ARHGAP24: variants seen among roughly 807,000 people sequenced by gnomAD.
ARHGAP24 encodes rho GTPase-activating protein 24.
ARHGAP24 carries 50 observed loss-of-function variants against 76.4 expected under a neutral mutation model. That is an observed-to-expected ratio of 0.65 (90% CI 0.52 to 0.83). The LOEUF (loss-of-function observed/expected upper bound fraction) is 0.83, where lower values mean the gene tolerates loss of function less well. Ranked by LOEUF, ARHGAP24 falls within the 40% of genes least tolerant of loss-of-function variation. The pLI is 0.00. For missense variants in ARHGAP24, 930 were observed against 914.2 expected (o/e 1.02, Z -0.22); for synonymous variants, 345 against 323.3 (o/e 1.07, Z -0.72).
intron 8 of ARHGAP24, chr4:85,991,547 A>G (rs1012660779): frequency 2.6e-5 from 4 of 152,186 alleles, no homozygotes; most frequent in African/African-American, 7.2e-5. Context: ...TGCTACATGT[A>G]GCAACATAAA....
intron 8 of ARHGAP24, among the ~76,000 whole-genome samples, chr4:85,987,783 A>G (rs1740090677): frequency 6.6e-6 from 1 of 151,936 alleles, no homozygotes; most frequent in African/African-American, 2.4e-5. Context: ...CAGAGAAAAA[A>G]TACTCATTTT....
At chr4:85,654,922 T>C (rs907748010) in intron 2 of ARHGAP24, among the ~76,000 whole-genome samples, 1 of 152,246 alleles carries the variant, frequency 6.6e-6, no homozygotes, top group East Asian at 1.9e-4. Flanking sequence ...TTACATACAC[T>C]ATAACTCTTA....
At chr4:85,694,987 C>T (rs71599422) in intron 2 of ARHGAP24, among the ~76,000 whole-genome samples, 4,477 of 151,972 alleles carry the variant, frequency 0.029, 100 homozygotes, top group Non-Finnish European at 0.045. Context: ...AGCTCAATTA[C>T]GACAACAACA....
chr4:85,493,417 G>A lies in ARHGAP24; in HGVS notation c.-21+17858G>A, dbSNP rs541010804. The stretch of plus-strand genomic sequence containing the variant: ...CCATTATTAGTTAAAATTCTTCTAC[G>A]CGGAAGTTTTCCCTTACCCCCCACT... On this transcript the variant is annotated intron_variant, in intron 1 of 9. Transcript: ENST00000395184. 9.2e-5 allele frequency among the ~76,000 whole-genome samples: 14 copies of A among 152,108 alleles called. No homozygotes were observed. The East Asian group carries it at 1.5e-3, about 17-fold the overall frequency.
chr4:85,620,467 C>G (rs896820439), intron 2 of ARHGAP24, among the ~76,000 whole-genome samples: 1 of 151,596 alleles, frequency 6.6e-6, no homozygotes, highest in Non-Finnish European at 1.5e-5. Context: ...CTTTTATGAT[C>G]GTTTGTAGTT....
chr4:85,501,015 C>G (rs1263097789), intron 1 of ARHGAP24, among the ~76,000 whole-genome samples: 2 of 152,130 alleles, frequency 1.3e-5, no homozygotes, highest in African/African-American at 4.8e-5. Context: ...ATGATGGTCT[C>G]TAGCTTCATC....
chr4:85,476,774 A>ATTT (rs1283934943), intron 1 of ARHGAP24, among the ~76,000 whole-genome samples: 1 of 152,242 alleles, frequency 6.6e-6, no homozygotes, highest in Non-Finnish European at 1.5e-5. Context: ...AACACACAGA[A>ATTT]TGTATGTATT....
intron 8 of ARHGAP24, among the ~76,000 whole-genome samples, chr4:85,985,251 G>A (rs943315703): frequency 6.6e-6 from 1 of 152,184 alleles, no homozygotes; most frequent in Non-Finnish European, 1.5e-5. Context: ...ATCAATGATA[G>A]ACTGGATAAA....
chr4:85,584,559 T>A (rs564771126), intron 2 of ARHGAP24, among the ~76,000 whole-genome samples: 6 of 151,796 alleles, frequency 4.0e-5, no homozygotes, highest in African/African-American at 1.5e-4. Context: ...ACCTGCACAT[T>A]GTGCACATGT....
intron 2 of ARHGAP24, among the ~76,000 whole-genome samples, chr4:85,585,049 AT>A (rs538399609): frequency 5.3e-5 from 8 of 151,638 alleles, no homozygotes; most frequent in East Asian, 1.9e-4. Context: ...TCTAATCCTC[AT>A]TTTTTTTGCA....
At chr4:85,747,280 A>G (rs548168546) in intron 3 of ARHGAP24, among the ~76,000 whole-genome samples, 20 of 152,188 alleles carry the variant, frequency 1.3e-4, no homozygotes, top group Non-Finnish European at 2.4e-4. Flanking sequence ...AGTATCTTGT[A>G]TAGCTTTTGA....
At chr4:85,586,838 C>T (rs574012253) in intron 2 of ARHGAP24, among the ~76,000 whole-genome samples, 20 of 152,172 alleles carry the variant, frequency 1.3e-4, no homozygotes, top group South Asian at 1.2e-3. Flanking sequence ...GTGGATGTTG[C>T]GGTGAACCGA....
intron 2 of ARHGAP24, among the ~76,000 whole-genome samples, chr4:85,623,413 A>G (rs1377806145): frequency 1.3e-5 from 2 of 152,090 alleles, no homozygotes; most frequent in Non-Finnish European, 2.9e-5. Context: ...TGGTAGATAC[A>G]TGGCATTATT....
At chr4:85,916,559 A>G (rs1257052065) in intron 3 of ARHGAP24, among the ~76,000 whole-genome samples, 21 of 152,174 alleles carry the variant, frequency 1.4e-4, no homozygotes, top group Non-Finnish European at 4.4e-5. Context: ...AAAATTATTA[A>G]CTCTGTATTC....
intron 3 of ARHGAP24, among the ~76,000 whole-genome samples, chr4:85,777,310 G>A (rs570535378): frequency 4.6e-5 from 7 of 152,164 alleles, no homozygotes; most frequent in Admixed American, 3.3e-4. Flanking sequence ...AAAAGTAGAC[G>A]AGAAATATTA....
chr4:85,766,361 C>G (rs1485833173), intron 3 of ARHGAP24, among the ~76,000 whole-genome samples: 1 of 152,052 alleles, frequency 6.6e-6, no homozygotes, highest in African/African-American at 2.4e-5. Flanking sequence ...GAAAATAATT[C>G]CTTGCTCTTC....
At chr4:85,913,793 G>A (rs377086927) in intron 3 of ARHGAP24, among the ~76,000 whole-genome samples, 47 of 152,230 alleles carry the variant, frequency 3.1e-4, no homozygotes, top group African/African-American at 9.1e-4. Flanking sequence ...CCCAGCAAGT[G>A]TCATCTGATA....
intron 3 of ARHGAP24, among the ~76,000 whole-genome samples, chr4:85,879,445 T>C (rs1056900136): frequency 6.6e-6 from 1 of 152,180 alleles, no homozygotes; most frequent in African/African-American, 2.4e-5. Context: ...AATTATGCTT[T>C]TTTATCTTGT....
chr4:85,575,746 G>A (rs1727344327), intron 2 of ARHGAP24, among the ~76,000 whole-genome samples: 1 of 152,114 alleles, frequency 6.6e-6, no homozygotes, highest in Non-Finnish European at 1.5e-5. Flanking sequence ...TTTCCTAATG[G>A]TTTTTCAGGC....
Sources: allele counts gnomAD v4.1 joint callset (sites outside exome capture counted in the v4.1 genomes callset), GRCh38; gene constraint gnomAD v4.1.1; transcripts MANE v1.5; gene names NCBI Gene and HGNC (gene_info 2026-07-23, HGNC 2026-07-21).